Variants in CCSER1 observed in about 807,000 individuals in gnomAD.
CCSER1 encodes coiled-coil serine rich protein 1, also known as serine-rich coiled-coil domain-containing protein 1.
CCSER1 carries 41 observed loss-of-function variants against 82.0 expected under a neutral mutation model. The observed-to-expected ratio is 0.50, with a 90% CI of 0.39 to 0.65. CCSER1 has a LOEUF of 0.65. Among genes scored for constraint, CCSER1 ranks in the 30% least tolerant of loss-of-function variants. CCSER1 has a pLI of 0.00. For missense variants in CCSER1, 1,119 were observed against 1,064.2 expected (o/e 1.05, Z -0.72); for synonymous variants, 414 against 383.9 (o/e 1.08, Z -0.92).
intron 10 of CCSER1, among the ~76,000 whole-genome samples, chr4:91,160,988 C>G (rs1271066473): frequency 1.3e-5 from 2 of 152,102 alleles, no homozygotes; most frequent in African/African-American, 4.8e-5. Flanking sequence ...ATGCCTATGT[C>G]TTGAATGGTA....
At chr4:90,706,212 G>T (rs1389221513) in intron 6 of CCSER1, among the ~76,000 whole-genome samples, 1 of 152,184 alleles carries the variant, frequency 6.6e-6, no homozygotes, top group African/African-American at 2.4e-5. Flanking sequence ...GTATCTTGTT[G>T]TAACAACCCT....
chr4:91,356,577 A>G (rs552750350), intron 10 of CCSER1, among the ~76,000 whole-genome samples: 2 of 152,312 alleles, frequency 1.3e-5, no homozygotes, highest in African/African-American at 2.4e-5. Flanking sequence ...GGTGAAATGG[A>G]TAGCCAAATG....
intron 9 of CCSER1, among the ~76,000 whole-genome samples, chr4:90,926,569 A>C (rs1729087734): frequency 6.6e-6 from 1 of 152,108 alleles, no homozygotes; most frequent in African/African-American, 2.4e-5. Flanking sequence ...TTGTACAATA[A>C]ACTACTTTTA....
At chr4:90,843,808 T>TA (rs1227802997) in intron 8 of CCSER1, among the ~76,000 whole-genome samples, 1 of 152,178 alleles carries the variant, frequency 6.6e-6, no homozygotes, top group Non-Finnish European at 1.5e-5. Flanking sequence ...TCCTTGGGCA[T>TA]AAAATCTATG....
intron 9 of CCSER1, among the ~76,000 whole-genome samples, chr4:91,057,575 G>T (rs548058365): frequency 7.2e-5 from 11 of 152,074 alleles, no homozygotes; most frequent in Non-Finnish European, 1.2e-4. Context: ...AAAGTAAATG[G>T]AGTTTGAAAA....
At chr4:91,267,885 A>T (rs1035736153) in intron 10 of CCSER1, among the ~76,000 whole-genome samples, 4 of 152,200 alleles carry the variant, frequency 2.6e-5, no homozygotes, top group Admixed American at 6.5e-5. Context: ...TGTTTTTCTT[A>T]TGGGTGATAC....
intron 10 of CCSER1, among the ~76,000 whole-genome samples, chr4:91,350,228 A>G (rs1379757528): frequency 6.6e-6 from 1 of 152,150 alleles, no homozygotes. Context: ...AATTTGCAAA[A>G]CAAATTTAGA....
At chr4:90,966,540 A>G (rs1484063198) in intron 9 of CCSER1, among the ~76,000 whole-genome samples, 2 of 152,138 alleles carry the variant, frequency 1.3e-5, no homozygotes, top group Non-Finnish European at 2.9e-5. Context: ...TCCCAGATAA[A>G]CAAAAACTGC....
At chr4:91,219,945 T>C (rs1293985861) in intron 10 of CCSER1, among the ~76,000 whole-genome samples, 1 of 152,156 alleles carries the variant, frequency 6.6e-6, no homozygotes, top group African/African-American at 2.4e-5. Flanking sequence ...TTGACCAGTG[T>C]TTTTAGAACC....
intron 1 of CCSER1, among the ~76,000 whole-genome samples, chr4:90,189,463 T>A (rs1357461665): frequency 6.6e-6 from 1 of 151,950 alleles, no homozygotes; most frequent in Non-Finnish European, 1.5e-5. Context: ...GCTTATGACG[T>A]GCACTGAGCA....
intron 10 of CCSER1, among the ~76,000 whole-genome samples, chr4:91,148,738 G>T (rs909835591): frequency 6.6e-6 from 1 of 152,082 alleles, no homozygotes; most frequent in Non-Finnish European, 1.5e-5. Context: ...TGTGGTGTTT[G>T]GTTTTCTATT....
At chr4:90,892,056 A>C (rs1723036986) in intron 8 of CCSER1, among the ~76,000 whole-genome samples, 1 of 152,104 alleles carries the variant, frequency 6.6e-6, no homozygotes, top group Non-Finnish European at 1.5e-5. Context: ...ATTAATGTGC[A>C]TCATCCAGCA....
intron 10 of CCSER1, among the ~76,000 whole-genome samples, chr4:91,474,578 A>T (rs1324889844): frequency 6.6e-6 from 1 of 151,280 alleles, no homozygotes; most frequent in Non-Finnish European, 1.5e-5. Context: ...GCAAACCAAG[A>T]TTTGATAGTA....
At chr4:90,467,358 T>C (rs946068841) in intron 4 of CCSER1, among the ~76,000 whole-genome samples, 1 of 151,372 alleles carries the variant, frequency 6.6e-6, no homozygotes, top group Non-Finnish European at 1.5e-5. Flanking sequence ...CTCTCCAGCC[T>C]GGGTGACAGA....
intron 10 of CCSER1, among the ~76,000 whole-genome samples, chr4:91,438,261 G>T (rs1394978828): frequency 6.6e-6 from 1 of 152,154 alleles, no homozygotes; most frequent in Non-Finnish European, 1.5e-5. Flanking sequence ...ACCTCACACG[G>T]CCGGGTACTC....
At chr4:91,167,980 G>T (rs1732292277) in intron 10 of CCSER1, among the ~76,000 whole-genome samples, 1 of 149,502 alleles carries the variant, frequency 6.7e-6, no homozygotes, top group Non-Finnish European at 1.5e-5. Flanking sequence ...GAGCGCCTCT[G>T]CCCGGCTGCC....
At chr4:90,936,792 G>C (rs1178102350) in intron 9 of CCSER1, among the ~76,000 whole-genome samples, 1 of 152,014 alleles carries the variant, frequency 6.6e-6, no homozygotes, top group Non-Finnish European at 1.5e-5. Context: ...AATAAATACT[G>C]AATGGCAGGC....
chr4:90,418,897 A>G (rs116802381), intron 4 of CCSER1, among the ~76,000 whole-genome samples: 2,708 of 152,148 alleles, frequency 0.018, 48 homozygotes, highest in African/African-American at 0.036. Context: ...GTTTTAAGCT[A>G]TAATTTCTAA....
chr4:90,459,430 AG>A (rs1269341169), intron 4 of CCSER1, among the ~76,000 whole-genome samples: 2 of 152,154 alleles, frequency 1.3e-5, no homozygotes, highest in East Asian at 3.8e-4. Flanking sequence ...TTAGTTTGCT[AG>A]GGCTGGCATA....
Sources: gnomAD v4.1 joint callset for allele counts (sites outside exome capture counted in the v4.1 genomes callset) on GRCh38, gnomAD v4.1.1 for gene constraint, MANE v1.5 for transcripts, NCBI Gene and HGNC (gene_info 2026-07-23, HGNC 2026-07-21) for gene names.